The following EPHB1 variants were observed in gnomAD, a reference collection of about 807,000 sequenced individuals.
EPHB1 encodes the protein EPH receptor B1.
A neutral mutation model predicts 94.4 loss-of-function variants in EPHB1; 30 were observed. The observed-to-expected ratio is 0.32, with a 90% CI of 0.24 to 0.43. EPHB1 has a LOEUF of 0.43. Among genes scored for constraint, EPHB1 ranks in the 20% least tolerant of loss-of-function variants. EPHB1 has a pLI of 1.00. For synonymous variants in EPHB1, 522 were observed against 489.1 expected (o/e 1.07, Z -0.89); for missense variants, 1,055 against 1,308.3 (o/e 0.81, Z 2.99).
chr3:134,880,040 C>T (rs2037696666), intron 1 of EPHB1, among the ~76,000 whole-genome samples: 1 of 152,322 alleles, frequency 6.6e-6, no homozygotes, highest in East Asian at 1.9e-4. Context: ...CAGTGGCCTT[C>T]CCTGATGCTG....
intron 12 of EPHB1, among the ~76,000 whole-genome samples, chr3:135,216,688 A>C: frequency 7.4e-6 from 1 of 135,446 alleles, no homozygotes; most frequent in African/African-American, 2.8e-5. Context: ...ATGCCACTGC[A>C]CTCCAACCTG....
chr3:134,938,529 C>T (rs895348167), intron 2 of EPHB1, among the ~76,000 whole-genome samples: 6 of 152,222 alleles, frequency 3.9e-5, no homozygotes, highest in Admixed American at 1.3e-4. Flanking sequence ...GCTGCCTGCA[C>T]TTACACACAC....
chr3:135,074,131 A>G (rs1382137564), intron 3 of EPHB1, among the ~76,000 whole-genome samples: 2 of 152,204 alleles, frequency 1.3e-5, no homozygotes, highest in Non-Finnish European at 2.9e-5. Flanking sequence ...GAAATATTTT[A>G]TAAGAAGAAA....
At chr3:134,892,366 C>G (rs900621378) in intron 1 of EPHB1, among the ~76,000 whole-genome samples, 1 of 152,218 alleles carries the variant, frequency 6.6e-6, no homozygotes, top group Non-Finnish European at 1.5e-5. Context: ...GGCAAAAGGG[C>G]CTTCACCTCC....
chr3:135,152,860 T>A (rs891621210), intron 5 of EPHB1, among the ~76,000 whole-genome samples: 2 of 151,868 alleles, frequency 1.3e-5, no homozygotes, highest in Non-Finnish European at 2.9e-5. Flanking sequence ...CTTCAAGGAG[T>A]AGGAACTCTG....
intron 3 of EPHB1, among the ~76,000 whole-genome samples, chr3:135,038,707 G>A (rs1300494619): frequency 3.9e-5 from 6 of 151,918 alleles, no homozygotes; most frequent in Non-Finnish European, 7.4e-5. Flanking sequence ...TCGTGGTCTC[G>A]CTGGCTCAGG....
chr3:135,170,564 A>G (rs1003166435), intron 9 of EPHB1, among the ~76,000 whole-genome samples: 6 of 152,076 alleles, frequency 3.9e-5, no homozygotes, highest in Non-Finnish European at 7.4e-5. Flanking sequence ...GTTTGTTCTC[A>G]TGGTTTTTGT....
In EPHB1 at chr3:134,977,823, A is replaced by G. The variant is rs1350807541; in HGVS notation, c.805+25771A>G. On this transcript the variant is annotated intron_variant, in intron 3 of 15. Transcript: ENST00000398015. ...GGGATAGGAGTAGAGGCCTGACCCCAGGAGATGTTGGAAACCACCTTAAGC... is the reference window on the plus strand; with the variant it reads ...GGGATAGGAGTAGAGGCCTGACCCCGGGAGATGTTGGAAACCACCTTAAGC... 17 of 356,100 alleles carry G rather than the reference A, an allele frequency of 4.8e-5. No homozygotes were observed. In the Admixed American group the frequency reaches 6.1e-4, roughly 13 times the overall value. 22.1% of individuals were successfully genotyped at this position (356,100 alleles called of 1,614,324 possible). A position where few individuals can be genotyped will look rare whatever the true frequency, so the allele number is the denominator to read the frequency against.
At chr3:135,127,036 C>T (rs900528599) in intron 4 of EPHB1, among the ~76,000 whole-genome samples, 5 of 152,228 alleles carry the variant, frequency 3.3e-5, no homozygotes, top group Non-Finnish European at 7.3e-5. Flanking sequence ...GGACCAGCTA[C>T]AGTTAAACTC....
At chr3:134,870,773 G>A (rs753763761) in intron 1 of EPHB1, among the ~76,000 whole-genome samples, 5 of 152,202 alleles carry the variant, frequency 3.3e-5, no homozygotes, top group Non-Finnish European at 5.9e-5. Flanking sequence ...AACGAAATGC[G>A]AATCACCAAG....
intron 3 of EPHB1, among the ~76,000 whole-genome samples, chr3:135,048,259 CTTTTTT>C (rs34135757): frequency 9.1e-5 from 5 of 55,200 alleles, no homozygotes; most frequent in Admixed American, 2.5e-4. Flanking sequence ...TTTCTTTTTT[CTTTTTT>C]TTTTTTTTTT....
intron 13 of EPHB1, 135 bp from the exon 14 acceptor site, chr3:135,248,181 G>A (rs939482329): frequency 4.7e-5 from 35 of 737,558 alleles, no homozygotes; most frequent in African/African-American, 7.1e-5. Context: ...CCATTACAGC[G>A]GAAGGTGTGC....
At chr3:134,944,439 G>A (rs547960512) in intron 2 of EPHB1, among the ~76,000 whole-genome samples, 3 of 152,338 alleles carry the variant, frequency 2.0e-5, no homozygotes, top group Admixed American at 6.5e-5. Context: ...GAGGACAACA[G>A]TCAGGTTAGC....
Position 135,249,478 on chromosome 3 carries a change from C to T in EPHB1, c.2833C>T (p.Gln945Ter). The change falls in exon 15 of 16, where the codon CAG becomes TAG. Residue 945 changes from glutamine to a stop codon, truncating the protein, a stop_gained. Transcript: ENST00000398015. LOFTEE classifies it high-confidence loss of function. Reference sequence around the variant, plus strand: ...CTTCACCTCCCTCCAGCTGGTCACCCAGATGACATCAGAGTAAGTGATGAG... The same window carrying T: ...CTTCACCTCCCTCCAGCTGGTCACCTAGATGACATCAGAGTAAGTGATGAG... The part of the protein sequence containing the change: ...AGFTSLQLVT[Q>*]MTSEDLLRIG... The T allele has an allele frequency of 6.2e-7, 1 of 1,613,480 alleles. No homozygotes were observed. Among genetic ancestry groups the T allele is most frequent in the Non-Finnish European group, 8.5e-7 (1 of 1,179,586 alleles).
At chr3:135,249,641 G>A (rs1250019305) in intron 15 of EPHB1, 150 bp downstream of exon 15, 8 of 841,944 alleles carry the variant, frequency 9.5e-6, no homozygotes, top group African/African-American at 8.5e-5. Flanking sequence ...ACCTTGGAAA[G>A]ATGAAGGGGG....
At chr3:135,052,105 A>G (rs552187987) in intron 3 of EPHB1, among the ~76,000 whole-genome samples, 1 of 152,320 alleles carries the variant, frequency 6.6e-6, no homozygotes, top group East Asian at 1.9e-4. Flanking sequence ...GCTCTATTTG[A>G]GCATTTAGAG....
chr3:135,003,049 T>A (rs2038947252), intron 3 of EPHB1, among the ~76,000 whole-genome samples: 1 of 152,236 alleles, frequency 6.6e-6, no homozygotes, highest in African/African-American at 2.4e-5. Context: ...AATTGTGATG[T>A]TAGGGTGTCA....
chr3:135,176,496 A>G (rs1013630569), intron 9 of EPHB1, among the ~76,000 whole-genome samples: 10 of 152,226 alleles, frequency 6.6e-5, no homozygotes, highest in African/African-American at 2.4e-4. Context: ...CCATGGCCCC[A>G]GAACAGCAGC....
intron 3 of EPHB1, among the ~76,000 whole-genome samples, chr3:135,048,317 G>A (rs1937070683): frequency 8.3e-6 from 1 of 120,466 alleles, no homozygotes; most frequent in East Asian, 2.7e-4. Context: ...CTGGAGTGCA[G>A]TGGCACCATC....
Sources: allele counts gnomAD v4.1 joint callset (sites outside exome capture counted in the v4.1 genomes callset), GRCh38; gene constraint gnomAD v4.1.1; transcripts MANE v1.5; gene names NCBI Gene and HGNC (gene_info 2026-07-23, HGNC 2026-07-21).